KNSTRN: variants seen among roughly 807,000 people sequenced by gnomAD.
KNSTRN encodes small kinetochore-associated protein.
KNSTRN carries 38 observed loss-of-function variants against 44.7 expected under a neutral mutation model. That is an observed-to-expected ratio of 0.85 (90% CI 0.66 to 1.11). The LOEUF (loss-of-function observed/expected upper bound fraction) is 1.11. Among genes scored for constraint, KNSTRN ranks in the 50% most tolerant of loss-of-function variants. KNSTRN has a pLI of 0.00. For synonymous variants in KNSTRN, 158 were observed against 148.1 expected (o/e 1.07, Z -0.48); for missense variants, 406 against 375.8 (o/e 1.08, Z -0.66).
intron 6 of KNSTRN, 49 bp downstream of exon 6, chr15:40,389,978 G>A: frequency 6.9e-7 from 1 of 1,454,198 alleles, no homozygotes; most frequent in Non-Finnish European, 9.7e-7. Flanking sequence ...TGGTGCATGT[G>A]CCCCTTCCGG....
At chr15:40,384,453 G>A in intron 2 of KNSTRN, 2 of 455,822 alleles carry the variant, frequency 4.4e-6, no homozygotes, top group South Asian at 3.1e-5. Context: ...TTGTGTTGCC[G>A]CAGAACACCT....
chr15:40,386,363 C>T lies in KNSTRN; in HGVS notation c.306C>T (p.Asp102=). The T allele has an allele frequency of 6.2e-7, 1 of 1,613,102 alleles. No individual in the cohort carries two copies. The highest frequency in any genetic ancestry group is 1.1e-5 in the South Asian group (1 of 90,856). ...TTTACCTCTCATTTTCCTTTGCAGACACACAAACTCGGGCCACTTCTAAGA... is the reference window on the plus strand; with the variant it reads ...TTTACCTCTCATTTTCCTTTGCAGATACACAAACTCGGGCCACTTCTAAGA... ...PSALSGGQPA[D]TQTRATSKSL... is the part of the protein sequence containing the mutation. Residue 102 remains aspartate (D), a splice_region_variant and synonymous_variant, in exon 3 of 9, where the codon GAC becomes GAT. Transcript: ENST00000249776.
chr15:40,391,179 G>C (rs1889990388), intron 6 of KNSTRN, among the ~76,000 whole-genome samples: 1 of 152,118 alleles, frequency 6.6e-6, no homozygotes, highest in African/African-American at 2.4e-5. Context: ...AAATAGCTTT[G>C]TGAATTGTGA....
At position 40,383,389 on chromosome 15, in the gene KNSTRN, C is replaced by G. The variant is rs1889849088; in HGVS notation, c.304+67C>G. The stretch of plus-strand genomic sequence containing the variant: ...GGGATGGTCTCGGGAGTGTGGAGAT[C>G]GAATGGGTGGCGCGGGCACGGGGAA... On this transcript the variant is annotated intron_variant, in intron 2 of 8. Transcript: ENST00000249776. The G allele has an allele frequency of 3.9e-6, 5 of 1,271,016 alleles. 1 individual carries two copies. In the South Asian group the frequency reaches 6.3e-5, roughly 16 times the overall value. 78.7% of individuals were successfully genotyped at this position (1,271,016 alleles called of 1,614,324 possible).
At position 40,382,754 on chromosome 15, in the gene KNSTRN, C is replaced by A. The variant is rs962495274; in HGVS notation, c.-82C>A. The A allele has an allele frequency of 9.5e-6, 12 of 1,258,666 alleles. No homozygotes were observed. The South Asian group carries it at 1.5e-4, about 16-fold the overall frequency. The allele number at this position is 1,258,666 out of a possible 1,614,324, so 78.0% of individuals were successfully genotyped here. ...CATTCAAGCCTACAAATTGCATCAC[C>A]CTCCTCCTCTGCCCAGACCTGGGGG... On this transcript the variant is annotated 5_prime_UTR_variant, in exon 1 of 9. Coordinates refer to ENST00000249776, the MANE Select transcript of KNSTRN (RefSeq NM_033286.4).
At chr15:40,393,236 T>C (rs776493263) in intron 8 of KNSTRN, 2 of 1,613,912 alleles carry the variant, frequency 1.2e-6, no homozygotes, top group South Asian at 2.2e-5. Flanking sequence ...ATGTAGAGGA[T>C]TTCATCGTTC....
At chr15:40,386,699 A>T (rs911176859) in intron 3 of KNSTRN, 1 of 586,452 alleles carries the variant, frequency 1.7e-6, no homozygotes, top group African/African-American at 1.9e-5. Flanking sequence ...GAGTTATAAG[A>T]GGTGTTCTTT....
intron 4 of KNSTRN, among the ~76,000 whole-genome samples, chr15:40,388,673 C>T (rs11856925): frequency 0.02 from 2,914 of 149,178 alleles, 40 homozygotes; most frequent in Middle Eastern, 0.045. Flanking sequence ...CCAGCCTGGG[C>T]GACGGAGCGA....
chr15:40,384,988 A>T (rs991374114), intron 2 of KNSTRN: 1 of 152,546 alleles, frequency 6.6e-6, no homozygotes, highest in African/African-American at 2.4e-5. Flanking sequence ...CATGGAGTAG[A>T]TTTGTTATTG....
intron 2 of KNSTRN, among the ~76,000 whole-genome samples, chr15:40,385,337 G>A (rs1287448249): frequency 6.6e-6 from 1 of 152,238 alleles, no homozygotes; most frequent in Non-Finnish European, 1.5e-5. Flanking sequence ...TGGGGAAGAA[G>A]AGTGTTATGG....
chr15:40,389,794 G>A (rs1889967504), intron 5 of KNSTRN, 42 bp from the exon 6 acceptor site: 1 of 1,579,260 alleles, frequency 6.3e-7, no homozygotes, highest in Admixed American at 1.7e-5. Flanking sequence ...CACCCCTAGG[G>A]AGTTGGACAA....
intron 4 of KNSTRN, chr15:40,389,298 G>C: frequency 1.9e-6 from 1 of 513,764 alleles, no homozygotes; most frequent in Non-Finnish European, 3.6e-6. Context: ...ACAGGCATGC[G>C]CCACCACGCC....
At chr15:40,388,555 C>T (rs1349321774) in intron 4 of KNSTRN, among the ~76,000 whole-genome samples, 1 of 152,106 alleles carries the variant, frequency 6.6e-6, no homozygotes, top group African/African-American at 2.4e-5. Flanking sequence ...ATTAGCCAGG[C>T]ATGGTGGCGG....
Position 40,389,597 on chromosome 15 carries a change from T to G in KNSTRN, c.577T>G (p.Leu193Val). The change falls in exon 5 of 9, where the codon TTG becomes GTG. Residue 193 changes from leucine to valine, a missense_variant. Physicochemically the swap from Leu to Val is conservative, Grantham distance 32. Transcript: ENST00000249776. ...EAVNKQLHQK[L>V]TETQGELKDL... ...CGTCAACAAGCAGTTGCACCAGAAG[T>G]TGACTGAAACTCAGGTAAGAGACCC... The G allele has an allele frequency of 6.2e-7, 1 of 1,613,276 alleles. No homozygotes were observed. The highest frequency in any genetic ancestry group is 2.2e-5 in the East Asian group (1 of 44,882).
At position 40,383,580 on chromosome 15, in the gene KNSTRN, T is replaced by C. The variant is rs1390342919; in HGVS notation, c.304+258T>C. The C allele has an allele frequency of 3.3e-5, 14 of 419,980 alleles. No individual in the cohort carries two copies. The Admixed American group carries it at 5.7e-4, about 17-fold the overall frequency. The allele number at this position is 419,980 out of a possible 1,614,324, so 26.0% of individuals were successfully genotyped here. Reference sequence around the variant, plus strand: ...TCAGTTAGATTCAAGTTGTTGGTTATTGTACAATGTTATTCCCATTAAGCT... The same window carrying C: ...TCAGTTAGATTCAAGTTGTTGGTTACTGTACAATGTTATTCCCATTAAGCT... On this transcript the variant is annotated intron_variant, in intron 2 of 8. Coordinates refer to ENST00000249776, the MANE Select transcript of KNSTRN (RefSeq NM_033286.4).
intron 6 of KNSTRN, among the ~76,000 whole-genome samples, chr15:40,390,469 G>A (rs548046748): frequency 6.6e-6 from 1 of 152,356 alleles, no homozygotes; most frequent in East Asian, 1.9e-4. Context: ...AAAGAGAGCA[G>A]AAGAAGGAAT....
At position 40,393,561 on chromosome 15, in the gene KNSTRN, A is replaced by G. The variant is rs755678785; in HGVS notation, c.915A>G (p.Thr305=). 4.3e-6 allele frequency: 7 copies of G among 1,613,984 alleles called. No homozygotes were observed. In the South Asian group the frequency reaches 5.5e-5, roughly 13 times the overall value. The change falls in exon 9 of 9, where the codon ACA becomes ACG. Residue 305 remains threonine, a synonymous_variant. Coordinates refer to ENST00000249776, the MANE Select transcript of KNSTRN (RefSeq NM_033286.4). ...ACAATCAAGTAAATGATTTAACAAC[A>G]GCCCTTAAGGAAATGGAGCAGCTAT... is the stretch of plus-strand genomic sequence containing the variant. ...LCNNQVNDLT[T]ALKEMEQLLE... is the part of the protein sequence containing the mutation.
intron 7 of KNSTRN, 22 bp downstream of exon 7, chr15:40,391,576 G>T: frequency 6.2e-7 from 1 of 1,600,276 alleles, no homozygotes; most frequent in Non-Finnish European, 8.6e-7. Flanking sequence ...GGTGTGAAAG[G>T]GCGCAAGGGC....
chr15:40,385,666 C>T (rs1216830790), intron 2 of KNSTRN, among the ~76,000 whole-genome samples: 1 of 152,188 alleles, frequency 6.6e-6, no homozygotes, highest in Non-Finnish European at 1.5e-5. Context: ...TTTAAAAAAA[C>T]TCAGAGCAGC....
Sources: allele counts gnomAD v4.1 joint callset (sites outside exome capture counted in the v4.1 genomes callset), GRCh38; gene constraint gnomAD v4.1.1; transcripts MANE v1.5; gene names NCBI Gene and HGNC (gene_info 2026-07-23, HGNC 2026-07-21).